The following SLC25A26 variants were observed in gnomAD, a reference collection of about 807,000 sequenced individuals.
The protein encoded by SLC25A26 is solute carrier family 25 member 26.
SLC25A26 carries 36 observed loss-of-function variants against 37.8 expected under a neutral mutation model. The observed-to-expected ratio is 0.95, with a 90% CI of 0.73 to 1.26. The LOEUF (loss-of-function observed/expected upper bound fraction) is 1.26, where lower values mean the gene tolerates loss of function less well. SLC25A26 is among the 50% of genes most tolerant of loss of function. The probability of loss-of-function intolerance (pLI) is 0.00; values close to 1 mark genes in which losing one functional copy is unlikely to be tolerated. For missense variants in SLC25A26, 390 were observed against 331.1 expected (o/e 1.18, Z -1.38); for synonymous variants, 129 against 122.5 (o/e 1.05, Z -0.35).
At chr3:66,340,128 TGGTCTG>T (rs2076175675) in intron 5 of SLC25A26, among the ~76,000 whole-genome samples, 1 of 152,150 alleles carries the variant, frequency 6.6e-6, no homozygotes, top group Non-Finnish European at 1.5e-5. Flanking sequence ...CGCTGTTGAA[TGGTCTG>T]GCACCCTTTT....
intron 1 of SLC25A26, among the ~76,000 whole-genome samples, chr3:66,165,300 C>T (rs1221890797): frequency 6.6e-6 from 1 of 152,208 alleles, no homozygotes; most frequent in East Asian, 1.9e-4. Flanking sequence ...TGACTGCAAC[C>T]TCATGAGAAA....
chr3:66,208,733 C>CATTTATATGGGTGTATATATAT (rs2071216791), intron 1 of SLC25A26, among the ~76,000 whole-genome samples: 8 of 138,536 alleles, frequency 5.8e-5, no homozygotes, highest in African/African-American at 1.1e-4. Context: ...TATATATACA[C>CATTTATATGGGTGTATATATAT]ATTTATATGG....
At chr3:66,134,758 G>A (rs1482922865) in intron 1 of SLC25A26, among the ~76,000 whole-genome samples, 9 of 152,108 alleles carry the variant, frequency 5.9e-5, no homozygotes, top group Admixed American at 5.9e-4. Context: ...TCAGGACACT[G>A]AGTTGGAGAT....
chr3:66,179,492 C>T (rs1434218366), intron 1 of SLC25A26, among the ~76,000 whole-genome samples: 5 of 152,000 alleles, frequency 3.3e-5, no homozygotes, highest in Non-Finnish European at 7.4e-5. Context: ...ATTTATTTTC[C>T]GAAAATGTAA....
chr3:66,229,191 C>G (rs1458145839), intron 1 of SLC25A26, among the ~76,000 whole-genome samples: 1 of 152,184 alleles, frequency 6.6e-6, no homozygotes, highest in Non-Finnish European at 1.5e-5. Context: ...AGGCATTTTG[C>G]TAACCATATA....
chr3:66,184,956 T>C (rs919905904), intron 1 of SLC25A26, among the ~76,000 whole-genome samples: 1 of 152,202 alleles, frequency 6.6e-6, no homozygotes, highest in Admixed American at 6.5e-5. Flanking sequence ...CTTTAAAAAG[T>C]TGTGGTAAAA....
At chr3:66,308,596 G>T (rs2075291626) in intron 5 of SLC25A26, among the ~76,000 whole-genome samples, 1 of 152,188 alleles carries the variant, frequency 6.6e-6, no homozygotes, top group African/African-American at 2.4e-5. Flanking sequence ...CAAAGTTAAT[G>T]CTTCTAGCTT....
intron 5 of SLC25A26, among the ~76,000 whole-genome samples, chr3:66,298,945 G>T (rs2107546886): frequency 6.6e-6 from 1 of 152,164 alleles, no homozygotes; most frequent in South Asian, 2.1e-4. Flanking sequence ...TGCTAACAAG[G>T]GAAAAATTTT....
chr3:66,293,786 T>G (rs944183295), intron 5 of SLC25A26, among the ~76,000 whole-genome samples: 3 of 152,188 alleles, frequency 2.0e-5, no homozygotes, highest in Non-Finnish European at 2.9e-5. Flanking sequence ...ATCCAGTGTT[T>G]TATTACGGGC....
chr3:66,377,136 A>T (rs1397564127), intron 9 of SLC25A26, among the ~76,000 whole-genome samples: 1 of 152,202 alleles, frequency 6.6e-6, no homozygotes, highest in Non-Finnish European at 1.5e-5. Flanking sequence ...TGCTCTGATT[A>T]TTCTACATTG....
At chr3:66,257,868 A>T (rs1014292916) in intron 3 of SLC25A26, among the ~76,000 whole-genome samples, 14 of 152,096 alleles carry the variant, frequency 9.2e-5, no homozygotes, top group African/African-American at 2.4e-5. Context: ...CACTCTATGG[A>T]AGCAATACCG....
In SLC25A26 at chr3:66,339,007, T is replaced by G. The variant is rs560412002; in HGVS notation, c.454-7357T>G. Among the ~76,000 whole-genome samples the G allele has an allele frequency of 2.0e-5, 3 of 152,192 alleles. No individual in the cohort carries two copies. In the South Asian group the frequency reaches 6.2e-4, roughly 32 times the overall value. ...TGTTAATGTACTTAGAATGTTCAGC[T>G]GTTGTGACTTATGCTGCAGGCTGGG... is the stretch of plus-strand genomic sequence containing the variant. On this transcript the variant is annotated intron_variant, in intron 5 of 9. Transcript: ENST00000354883.
chr3:66,139,045 TC>T (rs35034238), intron 1 of SLC25A26, among the ~76,000 whole-genome samples: 1 of 134,146 alleles, frequency 7.5e-6, no homozygotes, highest in Non-Finnish European at 1.6e-5. Context: ...CCTCCTCCCC[TC>T]CCCATCCTCT....
At chr3:66,310,116 A>G (rs1035554192) in intron 5 of SLC25A26, among the ~76,000 whole-genome samples, 3 of 152,132 alleles carry the variant, frequency 2.0e-5, no homozygotes, top group African/African-American at 4.8e-5. Context: ...GTCTCCCACT[A>G]TTATTGTGTG....
chr3:66,326,253 C>T (rs1357806288), intron 5 of SLC25A26, among the ~76,000 whole-genome samples: 1 of 152,050 alleles, frequency 6.6e-6, no homozygotes, highest in Non-Finnish European at 1.5e-5. Flanking sequence ...AGTATCTACC[C>T]AAATCGAAAG....
intron 5 of SLC25A26, among the ~76,000 whole-genome samples, chr3:66,294,220 C>T (rs760245954): frequency 6.6e-6 from 1 of 151,980 alleles, no homozygotes; most frequent in Non-Finnish European, 1.5e-5. Flanking sequence ...TTTTCTAGTT[C>T]TCCTTGTAGT....
rs116500785 is a variant in SLC25A26 at position 66,277,823 on chromosome 3, A to G, written c.453+14444A>G. Among the ~76,000 whole-genome samples, 538 of 152,264 alleles carry G rather than the reference A, an allele frequency of 3.5e-3. 4 individuals are homozygous for G. Among genetic ancestry groups the G allele is most frequent in the African/African-American group, 9.7e-3 (405 of 41,566 alleles). ...AATATAATGCACCAAGAAGGACACAATGTCACTTCTTTGGTCTTCTTGCCA... is the reference window on the plus strand; with the variant it reads ...AATATAATGCACCAAGAAGGACACAGTGTCACTTCTTTGGTCTTCTTGCCA... On this transcript the variant is annotated intron_variant, in intron 5 of 9. Coordinates refer to ENST00000354883, the MANE Select transcript of SLC25A26 (RefSeq NM_001379210.1).
rs143897562 is a variant in SLC25A26 at position 66,282,307 on chromosome 3, G to A, written c.453+18928G>A. ...ATTACAGGCGTGAGCCACCGCGCCC[G>A]GCCTGATTTTGCATTTTTAGTAGAG... On this transcript the variant is annotated intron_variant, in intron 5 of 9. Transcript: ENST00000354883. Among the ~76,000 whole-genome samples the A allele has an allele frequency of 2.8e-3, 420 of 152,180 alleles. 2 individuals carry two copies. The highest frequency in any genetic ancestry group is 9.7e-3 in the African/African-American group (401 of 41,534).
chr3:66,292,500 C>T (rs1229493061), intron 5 of SLC25A26, among the ~76,000 whole-genome samples: 1 of 152,150 alleles, frequency 6.6e-6, no homozygotes, highest in African/African-American at 2.4e-5. Flanking sequence ...CTGGTGGTGA[C>T]AAAGTCTCTC....
Sources: gnomAD v4.1 joint callset for allele counts (sites outside exome capture counted in the v4.1 genomes callset) on GRCh38, gnomAD v4.1.1 for gene constraint, MANE v1.5 for transcripts, NCBI Gene and HGNC (gene_info 2026-07-23, HGNC 2026-07-21) for gene names.